Variants in MED27 observed in about 807,000 individuals in gnomAD.
MED27 encodes mediator complex subunit 27.
In MED27, 30 loss-of-function variants were observed where a neutral mutation model predicts 38.2. The ratio of observed to expected loss-of-function variants is 0.79; its 90% confidence interval spans 0.59 to 1.07. MED27 has a LOEUF of 1.07. MED27 is among the 50% of genes least tolerant of loss of function. The pLI is 0.00. For synonymous variants in MED27, 122 were observed against 153.5 expected (o/e 0.79, Z 1.52); for missense variants, 289 against 397.5 (o/e 0.73, Z 2.32).
intron 2 of MED27, among the ~76,000 whole-genome samples, chr9:132,069,649 G>A (rs1360023269): frequency 6.6e-6 from 1 of 152,216 alleles, no homozygotes; most frequent in Non-Finnish European, 1.5e-5. Flanking sequence ...AGCTGAAGAG[G>A]TGGAAATACT....
rs1187197553 is a variant in MED27, at chr9:132,051,155, T to A, written c.348+26287A>T. Among the ~76,000 whole-genome samples, 2 of 152,196 alleles carry A rather than the reference T, an allele frequency of 1.3e-5. No homozygotes were observed. Among genetic ancestry groups the A allele is most frequent in the African/African-American group, 2.4e-5 (1 of 41,450 alleles). Reference sequence around the variant, plus strand: ...ATTATGAGATGTGTCCCAAATAACATGTTCCCGATAACAGTTAAAGTACAT... The same window carrying A: ...ATTATGAGATGTGTCCCAAATAACAAGTTCCCGATAACAGTTAAAGTACAT... On this transcript the variant is annotated intron_variant, in intron 2 of 7. Transcript: ENST00000292035. The surrounding 1 kb of genome is among the most constrained non-coding windows in gnomAD (Gnocchi z 4.2).
At chr9:131,869,046 A>T in intron 6 of MED27, 1 of 985,484 alleles carries the variant, frequency 1.0e-6, no homozygotes, top group Non-Finnish European at 1.2e-6. Context: ...CAAAAAGTCC[A>T]GTATAAAGCA....
intron 3 of MED27, among the ~76,000 whole-genome samples, chr9:131,992,323 C>A (rs1199425112): frequency 6.6e-6 from 1 of 152,148 alleles, no homozygotes; most frequent in African/African-American, 2.4e-5. Context: ...ACATGGAAAA[C>A]ATCTCAATTC....
intron 4 of MED27, among the ~76,000 whole-genome samples, chr9:131,910,152 A>G (rs962901999): frequency 6.6e-6 from 1 of 152,192 alleles, no homozygotes; most frequent in Non-Finnish European, 1.5e-5. Context: ...TTATTCAACC[A>G]GGGCTCTAGG....
intron 3 of MED27, among the ~76,000 whole-genome samples, chr9:132,007,247 A>T (rs1423997629): frequency 6.6e-6 from 1 of 152,194 alleles, no homozygotes; most frequent in Non-Finnish European, 1.5e-5. Flanking sequence ...TCATCCAAGA[A>T]TCGAAACGCA....
At chr9:132,033,944 A>G (rs1833018473) in intron 2 of MED27, among the ~76,000 whole-genome samples, 1 of 152,166 alleles carries the variant, frequency 6.6e-6, no homozygotes, top group Non-Finnish European at 1.5e-5. Flanking sequence ...TCAATTTGAG[A>G]TTTTTCATTC....
intron 3 of MED27, among the ~76,000 whole-genome samples, chr9:131,956,470 G>C (rs1054303806): frequency 6.6e-6 from 1 of 152,026 alleles, no homozygotes; most frequent in African/African-American, 2.4e-5. Flanking sequence ...ACAAATATTA[G>C]CCAAGCATGA....
chr9:131,862,984 G>A lies in MED27; in HGVS notation c.801+79C>T, dbSNP rs536772520. On this transcript the variant is annotated intron_variant, in intron 7 of 7. Transcript: ENST00000292035. This position sits in a 1 kb window ranked among gnomAD's most constrained non-coding sequence, Gnocchi z 4.6. Reference sequence around the variant, plus strand: ...GGCCCTCAAAGTCTGAAGATGCAACGGCTGCCCTTCAAGCTCCCTGTTCTC... The same window carrying A: ...GGCCCTCAAAGTCTGAAGATGCAACAGCTGCCCTTCAAGCTCCCTGTTCTC... The A allele has an allele frequency of 3.3e-5, 41 of 1,256,322 alleles. 1 individual carries two copies. The African/African-American group carries it at 3.8e-4, about 12-fold the overall frequency. The allele number at this position is 1,256,322 out of a possible 1,614,324, so 77.8% of individuals were successfully genotyped here. A position where few individuals can be genotyped will look rare whatever the true frequency, so the allele number is the denominator to read the frequency against.
intron 3 of MED27, among the ~76,000 whole-genome samples, chr9:131,991,148 G>A (rs546679877): frequency 2.4e-4 from 36 of 152,298 alleles, no homozygotes; most frequent in African/African-American, 8.2e-4. Flanking sequence ...CTTTGAGGCA[G>A]CCATACAAAA....
chr9:131,922,567 A>G (rs1404727416), intron 4 of MED27, among the ~76,000 whole-genome samples: 1 of 151,528 alleles, frequency 6.6e-6, no homozygotes, highest in Non-Finnish European at 1.5e-5. Context: ...CAGCCTCCTG[A>G]GTAGCTGGGA....
At position 132,046,112 on chromosome 9, in the gene MED27, T is replaced by TA. The variant is rs375481356; in HGVS notation, c.348+31329dup. 2.9e-3 allele frequency among the ~76,000 whole-genome samples: 448 copies of TA among 152,302 alleles called. 1 individual carries two copies. Among genetic ancestry groups the TA allele is most frequent in the African/African-American group, 1.0e-2 (415 of 41,564 alleles). On this transcript the variant is annotated intron_variant, in intron 2 of 7. Transcript: ENST00000292035. Reference sequence around the variant, plus strand: ...AATGACCACGTATAAATATGAACACTAAATTTAGCAAGTAGGCAATGGATC... The same window carrying TA: ...AATGACCACGTATAAATATGAACACTAAAATTTAGCAAGTAGGCAATGGATC...
chr9:132,068,267 C>T (rs1833852600), intron 2 of MED27, among the ~76,000 whole-genome samples: 1 of 152,094 alleles, frequency 6.6e-6, no homozygotes, highest in African/African-American at 2.4e-5. Context: ...TGGCATTTTA[C>T]AGATGAGGAA....
intron 3 of MED27, among the ~76,000 whole-genome samples, chr9:131,981,988 A>G (rs1831747778): frequency 6.6e-6 from 1 of 152,156 alleles, no homozygotes; most frequent in Non-Finnish European, 1.5e-5. Context: ...CCCGCCATGT[A>G]TATGTTTCTA....
At chr9:132,057,781 A>G (rs1158916052) in intron 2 of MED27, among the ~76,000 whole-genome samples, 1 of 152,150 alleles carries the variant, frequency 6.6e-6, no homozygotes, top group Non-Finnish European at 1.5e-5. Context: ...CAAATTGTCA[A>G]TGCCCCCTCC....
chr9:131,894,885 G>A (rs1342033140), intron 4 of MED27, among the ~76,000 whole-genome samples: 1 of 152,092 alleles, frequency 6.6e-6, no homozygotes, highest in Non-Finnish European at 1.5e-5. Context: ...GTTCATTCTC[G>A]ACATACTGTG....
chr9:132,002,628 T>C (rs1158089854), intron 3 of MED27, among the ~76,000 whole-genome samples: 1 of 152,122 alleles, frequency 6.6e-6, no homozygotes, highest in African/African-American at 2.4e-5. Flanking sequence ...ACCATCAAAA[T>C]TGGCTGGGCA....
intron 5 of MED27, among the ~76,000 whole-genome samples, chr9:131,892,504 T>C (rs1274255102): frequency 6.6e-6 from 1 of 152,198 alleles, no homozygotes; most frequent in Non-Finnish European, 1.5e-5. Flanking sequence ...GTAACTCTAG[T>C]AGCACGGTCC....
At chr9:132,055,490 C>A (rs1450361415) in intron 2 of MED27, among the ~76,000 whole-genome samples, 1 of 152,074 alleles carries the variant, frequency 6.6e-6, no homozygotes, top group Admixed American at 6.5e-5. Flanking sequence ...ACATGAACAA[C>A]CAGACTAAAT....
At chr9:131,906,328 G>A (rs1188416471) in intron 4 of MED27, among the ~76,000 whole-genome samples, 1 of 152,206 alleles carries the variant, frequency 6.6e-6, no homozygotes, top group Non-Finnish European at 1.5e-5. Context: ...TAACAAGGGG[G>A]TTGGTTCAAG....
Sources: allele counts gnomAD v4.1 joint callset (sites outside exome capture counted in the v4.1 genomes callset), GRCh38; gene constraint gnomAD v4.1.1; non-coding constraint Gnocchi (gnomAD v3.1); transcripts MANE v1.5; gene names NCBI Gene and HGNC (gene_info 2026-07-23, HGNC 2026-07-21).